SEMA6D: variants seen among roughly 807,000 people sequenced by gnomAD.
SEMA6D encodes the protein semaphorin-6D.
In SEMA6D, 35 loss-of-function variants were observed where a neutral mutation model predicts 106.6. The ratio of observed to expected loss-of-function variants is 0.33; its 90% CI spans 0.25 to 0.44. The LOEUF is 0.44. Among genes scored for constraint, SEMA6D ranks in the 20% least tolerant of loss-of-function variants. SEMA6D has a pLI of 1.00. For missense variants in SEMA6D, 1,185 were observed against 1,345.9 expected, an observed-to-expected ratio of 0.88 and a Z score of 1.87; for synonymous variants, 499 against 487.7, an observed-to-expected ratio of 1.02 and a Z score of -0.31.
chr15:47,674,012 T>C lies in SEMA6D; in HGVS notation c.-55+73116T>C, dbSNP rs539332837. Among the ~76,000 whole-genome samples, 4 of 152,164 alleles carry C rather than the reference T, an allele frequency of 2.6e-5. No individual in the cohort carries two copies. The South Asian group carries it at 8.3e-4, about 32-fold the overall frequency. On this transcript the variant is annotated intron_variant, in intron 4 of 19. Coordinates refer to the SEMA6D transcript ENST00000558014. ...CTTTGCATCCATTCCTTTTGGCGGG[T>C]TTGTCTCATGTTGTCCCCGGACACT...
intron 2 of SEMA6D, among the ~76,000 whole-genome samples, chr15:47,451,242 G>A (rs1411915311): frequency 6.6e-6 from 1 of 151,934 alleles, no homozygotes; most frequent in East Asian, 1.9e-4. Flanking sequence ...TCTGGGAGTG[G>A]GTTTCAGGAG....
At chr15:47,738,945 C>T (rs1432943332) in intron 1 of SEMA6D, among the ~76,000 whole-genome samples, 1 of 152,120 alleles carries the variant, frequency 6.6e-6, no homozygotes, top group Non-Finnish European at 1.5e-5. Context: ...ACAGCCATAG[C>T]CTTAGTTCCT....
chr15:47,771,808 G>A lies in SEMA6D; in HGVS notation c.*23G>A. On this transcript the variant is annotated 3_prime_UTR_variant, in exon 19 of 19. Transcript: ENST00000536845. ...TAGGCCTCAAGTGTGCTATTCCCAT[G>A]TGGCTTTATCCTGTCCGTGTTGTTG... is the stretch of plus-strand genomic sequence containing the variant. 6.3e-7 allele frequency: 1 copy of A among 1,597,406 alleles called. No individual in the cohort carries two copies.
chr15:47,303,200 C>G (rs1008285454), intron 1 of SEMA6D, among the ~76,000 whole-genome samples: 1 of 152,164 alleles, frequency 6.6e-6, no homozygotes, highest in Non-Finnish European at 1.5e-5. Flanking sequence ...GCCTTGTTCC[C>G]CAAAAGTCTA....
chr15:47,449,331 T>C (rs919856244), intron 2 of SEMA6D, among the ~76,000 whole-genome samples: 1 of 152,084 alleles, frequency 6.6e-6, no homozygotes, highest in Non-Finnish European at 1.5e-5. Flanking sequence ...ATAATAAAAA[T>C]AATGCTGGTG....
intron 1 of SEMA6D, among the ~76,000 whole-genome samples, chr15:47,398,968 G>A (rs948394262): frequency 1.3e-4 from 20 of 152,088 alleles, no homozygotes; most frequent in Middle Eastern, 3.2e-3. Context: ...AAAAAAGGCC[G>A]TCAGAATACA....
intron 1 of SEMA6D, among the ~76,000 whole-genome samples, chr15:47,302,692 T>G (rs1230986223): frequency 1.3e-5 from 2 of 152,180 alleles, no homozygotes; most frequent in Non-Finnish European, 2.9e-5. Context: ...AGGATTCAAC[T>G]TGTCTTCGAC....
chr15:47,528,268 TA>T (rs1385279920), intron 3 of SEMA6D, among the ~76,000 whole-genome samples: 2 of 152,224 alleles, frequency 1.3e-5, no homozygotes, highest in African/African-American at 4.8e-5. Context: ...TGTCTTTACT[TA>T]AGCTGTAACT....
At position 47,766,046 on chromosome 15, in the gene SEMA6D, A is replaced by G. The variant is rs375821957; in HGVS notation, c.1568+37A>G. The G allele has an allele frequency of 4.3e-6, 7 of 1,611,728 alleles. No homozygotes were observed. In the African/African-American group the frequency reaches 9.4e-5, roughly 22 times the overall value. ...TTTCTTTACTTACCCTGGGTCTTGCAGTATCGAAACCTTTGTTGATGAGAA... is the reference window on the plus strand; with the variant it reads ...TTTCTTTACTTACCCTGGGTCTTGCGGTATCGAAACCTTTGTTGATGAGAA... On this transcript the variant is annotated intron_variant, in intron 14 of 18. Coordinates refer to ENST00000536845, the MANE Select transcript of SEMA6D (RefSeq NM_001358351.3).
rs892347233 is a variant in SEMA6D, at chr15:47,214,924, C to G, written c.-239+30506C>G. On this transcript the variant is annotated intron_variant, in intron 1 of 19. Transcript: ENST00000558014. ...GTGAGTTTGGCTAATATAGTATCATCTGCACATTTAGTTTGTTCTTTCTTT... is the reference window on the plus strand; with the variant it reads ...GTGAGTTTGGCTAATATAGTATCATGTGCACATTTAGTTTGTTCTTTCTTT... Among the ~76,000 whole-genome samples the G allele has an allele frequency of 7.2e-5, 11 of 152,066 alleles. No homozygotes were observed. In the East Asian group the frequency reaches 2.1e-3, roughly 29 times the overall value.
At chr15:47,431,515 G>A (rs138676320) in intron 2 of SEMA6D, among the ~76,000 whole-genome samples, 1 of 151,942 alleles carries the variant, frequency 6.6e-6, no homozygotes, top group African/African-American at 2.4e-5. Flanking sequence ...ACATCCTCCC[G>A]CAGTGATTCC....
At position 47,503,689 on chromosome 15, in the gene SEMA6D, T is replaced by TCACACA. The variant is rs142397320; in HGVS notation, c.-87+33167_-87+33172dup. ...TGCAGGGGTGCTCTCTCTCTCTCTG[T>TCACACA]CACACACACACACACACACACACAC... On this transcript the variant is annotated intron_variant, in intron 3 of 19. Coordinates refer to the SEMA6D transcript ENST00000558014. 4.3e-3 allele frequency among the ~76,000 whole-genome samples: 641 copies of TCACACA among 148,676 alleles called. 5 individuals are homozygous for TCACACA. Among genetic ancestry groups the TCACACA allele is most frequent in the East Asian group, 0.021 (107 of 4,998 alleles).
At chr15:47,364,107 A>T (rs989783600) in intron 1 of SEMA6D, among the ~76,000 whole-genome samples, 2 of 152,154 alleles carry the variant, frequency 1.3e-5, no homozygotes, top group Non-Finnish European at 2.9e-5. Context: ...AAGCTGACTA[A>T]ATTAAGACAT....
In SEMA6D at chr15:47,380,231, C is replaced by T. The variant is rs376361798; in HGVS notation, c.-238-32162C>T. On this transcript the variant is annotated intron_variant, in intron 1 of 19. Coordinates refer to the SEMA6D transcript ENST00000558014. The stretch of plus-strand genomic sequence containing the variant: ...AACTTCAAACCTATAAACATACACC[C>T]GATGACAAATTTTCAACATAATGCC... Among the ~76,000 whole-genome samples, 14 of 152,270 alleles carry T rather than the reference C, an allele frequency of 9.2e-5. 1 individual carries two copies. The highest frequency in any genetic ancestry group is 6.2e-4 in the South Asian group (3 of 4,814).
intron 3 of SEMA6D, among the ~76,000 whole-genome samples, chr15:47,574,124 T>C (rs2076115264): frequency 6.6e-6 from 1 of 152,250 alleles, no homozygotes; most frequent in African/African-American, 2.4e-5. Context: ...TGCCAATGCT[T>C]ATTGTGTACC....
chr15:47,732,800 A>G (rs2146744411), intron 1 of SEMA6D, among the ~76,000 whole-genome samples: 1 of 152,276 alleles, frequency 6.6e-6, no homozygotes, highest in Middle Eastern at 3.4e-3. Context: ...TAAAAAAAAT[A>G]AAAGATATGA....
At chr15:47,497,148 A>G (rs1265649547) in intron 3 of SEMA6D, among the ~76,000 whole-genome samples, 3 of 85,220 alleles carry the variant, frequency 3.5e-5, no homozygotes, top group African/African-American at 1.0e-4. Context: ...TCTGCCTGTG[A>G]GAAAGAAACA....
intron 1 of SEMA6D, among the ~76,000 whole-genome samples, chr15:47,277,449 G>A (rs899374171): frequency 6.6e-6 from 1 of 151,864 alleles, no homozygotes; most frequent in African/African-American, 2.4e-5. Context: ...TCATCACCCT[G>A]ATCATCAACA....
chr15:47,325,053 C>G (rs73401055), intron 1 of SEMA6D, among the ~76,000 whole-genome samples: 22,284 of 152,148 alleles, frequency 0.15, 1,858 homozygotes, highest in East Asian at 0.35. Flanking sequence ...TGGCACTTCC[C>G]CCAACTTATT....
Sources: allele counts gnomAD v4.1 joint callset (sites outside exome capture counted in the v4.1 genomes callset), GRCh38; gene constraint gnomAD v4.1.1; transcripts MANE v1.5; gene names NCBI Gene and HGNC (gene_info 2026-07-23, HGNC 2026-07-21).